SYT9: variants seen among roughly 807,000 people sequenced by gnomAD.
SYT9 encodes synaptotagmin 9, also known as synaptotagmin-9.
Under a neutral mutation model 48.4 loss-of-function variants are expected in SYT9, and 22 were observed. That is an observed-to-expected ratio of 0.45 (90% CI 0.32 to 0.65). The LOEUF is 0.65. Among genes scored for constraint, SYT9 ranks in the 30% least tolerant of loss-of-function variants. The pLI is 0.03. For synonymous variants in SYT9, 265 were observed against 245.0 expected, an observed-to-expected ratio of 1.08 and a Z score of -0.76; for missense variants, 577 against 622.0, an observed-to-expected ratio of 0.93 and a Z score of 0.77.
intron 1 of SYT9, among the ~76,000 whole-genome samples, chr11:7,263,993 G>A (rs933429235): frequency 6.6e-6 from 1 of 152,118 alleles, no homozygotes; most frequent in African/African-American, 2.4e-5. Flanking sequence ...TTAAACTGCT[G>A]GAGTGATGTG....
At chr11:7,242,021 A>T (rs1057161103) in intron 1 of SYT9, among the ~76,000 whole-genome samples, 4 of 152,248 alleles carry the variant, frequency 2.6e-5, no homozygotes, top group Non-Finnish European at 5.9e-5. Context: ...TGCTAATTAC[A>T]ATAACTATTT....
At chr11:7,393,564 T>C (rs1281916778) in intron 3 of SYT9, among the ~76,000 whole-genome samples, 1 of 152,114 alleles carries the variant, frequency 6.6e-6, no homozygotes, top group Non-Finnish European at 1.5e-5. Flanking sequence ...GTAATTTTCT[T>C]TTTTGTTGTT....
intron 3 of SYT9, among the ~76,000 whole-genome samples, chr11:7,360,949 A>G (rs996742310): frequency 3.3e-5 from 5 of 151,992 alleles, no homozygotes; most frequent in Admixed American, 2.6e-4. Flanking sequence ...TTTCTAGTCA[A>G]TTTTCCATTT....
intron 6 of SYT9, among the ~76,000 whole-genome samples, chr11:7,462,545 G>A (rs1364968698): frequency 1.3e-5 from 2 of 152,084 alleles, no homozygotes; most frequent in African/African-American, 2.4e-5. Flanking sequence ...CTGGCAGCGC[G>A]TGATAATTTT....
At chr11:7,398,108 A>T (rs1389754665) in intron 3 of SYT9, among the ~76,000 whole-genome samples, 1 of 152,162 alleles carries the variant, frequency 6.6e-6, no homozygotes, top group Admixed American at 6.5e-5. Flanking sequence ...CTTTTTACAG[A>T]TCCCCATCCT....
rs1023903075 is a variant in SYT9, at chr11:7,416,043, A to C, written c.1046A>C (p.Asp349Ala). 3.1e-6 allele frequency: 5 copies of C among 1,614,158 alleles called. 1 individual carries two copies. Among genetic ancestry groups the C allele is most frequent in the African/African-American group, 2.7e-5 (2 of 75,052 alleles). ...CTTTAGTTTGTGCTTTCTCAACAGG[A>C]CAACGTGGATCTGGGAGAGCTGATG... ...LWKDIEYVTN[D>A]NVDLGELMFS... Residue 349 changes from aspartate (D) to alanine (A), a missense_variant and splice_region_variant, in exon 4 of 7, where the codon GAC becomes GCC. Asp to Ala is a moderately radical substitution (Grantham distance 126). Coordinates refer to ENST00000318881, the MANE Select transcript of SYT9 (RefSeq NM_175733.4).
At position 7,418,091 on chromosome 11, in the gene SYT9, C is replaced by G; in HGVS notation, c.1300C>G (p.Gln434Glu). 6.2e-7 allele frequency: 1 copy of G among 1,614,054 alleles called. No individual in the cohort carries two copies. Among genetic ancestry groups the G allele is most frequent in the Non-Finnish European group, 8.5e-7 (1 of 1,179,978 alleles). ...TGATGTCCCTCCCGAGAACATTGAC[C>G]AAATCCACTTGTCCATAGCAGTCAT... is the stretch of plus-strand genomic sequence containing the variant. ...VFDVPPENID[Q>E]IHLSIAVMDY... The change falls in exon 5 of 7, where the codon CAA becomes GAA. Residue 434 changes from glutamine (Q) to glutamate (E), a missense_variant. Physicochemically the swap from Gln to Glu is conservative, Grantham distance 29. Transcript: ENST00000318881.
intron 6 of SYT9, among the ~76,000 whole-genome samples, chr11:7,429,666 C>G (rs796718531): frequency 8.5e-5 from 13 of 152,300 alleles, no homozygotes; most frequent in African/African-American, 2.9e-4. Flanking sequence ...GTGAAGAGAA[C>G]CATTCCCAAA....
chr11:7,294,110 A>T (rs1848745391), intron 1 of SYT9, among the ~76,000 whole-genome samples: 1 of 152,114 alleles, frequency 6.6e-6, no homozygotes, highest in African/African-American at 2.4e-5. Flanking sequence ...GGAGTGAGGG[A>T]ACTCTCTTAA....
chr11:7,282,202 G>C (rs1024678086), intron 1 of SYT9, among the ~76,000 whole-genome samples: 2 of 152,032 alleles, frequency 1.3e-5, no homozygotes, highest in Admixed American at 6.5e-5. Context: ...TCCTAATAAT[G>C]TAATAAAATT....
chr11:7,417,592 C>G (rs1256388728), intron 4 of SYT9, among the ~76,000 whole-genome samples: 1 of 152,186 alleles, frequency 6.6e-6, no homozygotes, highest in Admixed American at 6.5e-5. Context: ...CCTGAGGTGG[C>G]TCAGAGCTGG....
At chr11:7,401,176 T>C (rs1846884609) in intron 3 of SYT9, among the ~76,000 whole-genome samples, 1 of 152,038 alleles carries the variant, frequency 6.6e-6, no homozygotes, top group African/African-American at 2.4e-5. Flanking sequence ...CAAACTGTTT[T>C]ACACACAAAA....
intron 1 of SYT9, among the ~76,000 whole-genome samples, chr11:7,295,909 A>G (rs770324522): frequency 8.5e-5 from 13 of 152,172 alleles, no homozygotes; most frequent in Admixed American, 2.6e-4. Context: ...AGCAAATATC[A>G]GGTACTCAAT....
At chr11:7,311,432 G>T (rs1031092676) in intron 2 of SYT9, among the ~76,000 whole-genome samples, 9 of 152,246 alleles carry the variant, frequency 5.9e-5, no homozygotes, top group Non-Finnish European at 1.3e-4. Context: ...AAGGGAAATT[G>T]TAATGCACAG....
intron 3 of SYT9, among the ~76,000 whole-genome samples, chr11:7,408,342 G>T (rs564307063): frequency 6.6e-6 from 1 of 152,266 alleles, no homozygotes; most frequent in South Asian, 2.1e-4. Flanking sequence ...TGGTCAGGCT[G>T]GTTTCCAACT....
chr11:7,365,118 G>C (rs1850216290), intron 3 of SYT9, among the ~76,000 whole-genome samples: 1 of 151,954 alleles, frequency 6.6e-6, no homozygotes, highest in Non-Finnish European at 1.5e-5. Context: ...TCCATTGACT[G>C]CAAGGCTTAT....
intron 2 of SYT9, among the ~76,000 whole-genome samples, chr11:7,304,009 G>A (rs1003781305): frequency 6.6e-6 from 1 of 152,244 alleles, no homozygotes; most frequent in Non-Finnish European, 1.5e-5. Context: ...CTCTTCAGCA[G>A]TAGAGAAATA....
At chr11:7,417,870 T>A in intron 4 of SYT9, 87 bp from the exon 5 acceptor site, 1 of 1,409,456 alleles carries the variant, frequency 7.1e-7, no homozygotes, top group Non-Finnish European at 9.7e-7. Context: ...CAGCATACCA[T>A]AGTCCATGAA....
chr11:7,463,996 T>C (rs1848282539), intron 6 of SYT9, among the ~76,000 whole-genome samples: 1 of 152,104 alleles, frequency 6.6e-6, no homozygotes, highest in Non-Finnish European at 1.5e-5. Flanking sequence ...TGGCTAAGGT[T>C]GCAGCCTAGC....
Sources: allele counts gnomAD v4.1 joint callset (sites outside exome capture counted in the v4.1 genomes callset), GRCh38; gene constraint gnomAD v4.1.1; transcripts MANE v1.5; gene names NCBI Gene and HGNC (gene_info 2026-07-23, HGNC 2026-07-21).